Variants in BRIP1 observed in about 807,000 individuals in gnomAD.
BRIP1 encodes the protein BRCA1 interacting DNA helicase 1, also known as Fanconi anemia group J protein.
BRIP1 carries 88 observed loss-of-function variants against 119.7 expected under a neutral mutation model. That is an observed-to-expected ratio of 0.74 (90% CI 0.62 to 0.88). BRIP1 has a LOEUF of 0.88. Ranked by LOEUF, BRIP1 falls within the 40% of genes least tolerant of loss-of-function variation. The pLI is 0.00. For synonymous variants in BRIP1, 443 were observed against 496.5 expected (o/e 0.89, Z 1.43); for missense variants, 1,259 against 1,455.4 (o/e 0.87, Z 2.20).
chr17:61,839,148 T>C lies in BRIP1; in HGVS notation c.627+7953A>G, dbSNP rs76378314. ...CTCTACTCATATCCCCATTATTTTT[T>C]CTTATATTACATTCTTGGAAATAAT... On this transcript the variant is annotated intron_variant, in intron 6 of 19. Coordinates refer to ENST00000259008, the MANE Select transcript of BRIP1 (RefSeq NM_032043.3). Among the ~76,000 whole-genome samples, 81 of 152,182 alleles carry C rather than the reference T, an allele frequency of 5.3e-4. No individual in the cohort carries two copies. In the East Asian group the frequency reaches 0.015, roughly 28 times the overall value.
At chr17:61,859,936 T>G in intron 2 of BRIP1, 29 bp from the exon 3 acceptor site, 1 of 1,448,072 alleles carries the variant, frequency 6.9e-7, no homozygotes, top group Non-Finnish European at 9.7e-7. Flanking sequence ...ATGAAAATAA[T>G]AAACATATTA....
chr17:61,788,454 T>C (rs1057077188), intron 10 of BRIP1, among the ~76,000 whole-genome samples: 4 of 152,180 alleles, frequency 2.6e-5, no homozygotes, highest in Admixed American at 2.0e-4. Flanking sequence ...ACAGAACTTT[T>C]CCTAGAGATT....
At chr17:61,836,353 T>C (rs1603356149) in intron 6 of BRIP1, among the ~76,000 whole-genome samples, 1 of 152,190 alleles carries the variant, frequency 6.6e-6, no homozygotes, top group Admixed American at 6.5e-5. Flanking sequence ...TGGGCTCAAG[T>C]GATCCACCTA....
chr17:61,755,371 G>A lies in BRIP1; in HGVS notation c.2098-10780C>T, dbSNP rs750022998. 3.9e-5 allele frequency among the ~76,000 whole-genome samples: 6 copies of A among 151,990 alleles called. No homozygotes were observed. The highest frequency in any genetic ancestry group is 2.0e-4 in the Admixed American group (3 of 15,256). ...GCCCAGGAGTTCAAGACCAGCCTGG[G>A]CAACTTGGCAAAACCCTGTATCTAC... On this transcript the variant is annotated intron_variant, in intron 14 of 19. Transcript: ENST00000259008. The surrounding 1 kb of genome is among the most constrained non-coding windows in gnomAD (Gnocchi z 4.5).
chr17:61,685,721 C>G, intron 19 of BRIP1, 115 bp downstream of exon 19: 1 of 966,138 alleles, frequency 1.0e-6, no homozygotes, highest in Non-Finnish European at 1.6e-6. Flanking sequence ...ATGATAACAC[C>G]TTATATTACA....
intron 11 of BRIP1, chr17:61,783,896 G>A (rs932627489): frequency 5.7e-6 from 1 of 175,188 alleles, no homozygotes; most frequent in African/African-American, 2.4e-5. Context: ...TCAACATAGT[G>A]AGATCTCATC....
intron 6 of BRIP1, among the ~76,000 whole-genome samples, chr17:61,820,528 C>T (rs1567847529): frequency 6.6e-6 from 1 of 152,190 alleles, no homozygotes; most frequent in Non-Finnish European, 1.5e-5. Flanking sequence ...TTGGATGAGA[C>T]ATATACTCTC....
chr17:61,819,614 A>G (rs1054966455), intron 6 of BRIP1, among the ~76,000 whole-genome samples: 3 of 152,216 alleles, frequency 2.0e-5, no homozygotes, highest in African/African-American at 7.2e-5. Flanking sequence ...GTTAAGTAAA[A>G]TAAGCCAGGC....
At chr17:61,854,244 C>G (rs2078862637) in intron 4 of BRIP1, among the ~76,000 whole-genome samples, 1 of 151,924 alleles carries the variant, frequency 6.6e-6, no homozygotes. Context: ...CAGTACTGTA[C>G]CCAGCCTGGG....
Position 61,732,696 on chromosome 17 carries a change from AT to A in BRIP1, c.2379+10316del, listed in dbSNP as rs539570210. Among the ~76,000 whole-genome samples, 919 of 145,876 alleles carry A rather than the reference AT, an allele frequency of 6.3e-3. 6 individuals carry two copies. The highest frequency in any genetic ancestry group is 0.017 in the African/African-American group (686 of 40,144). ...TGACAAAACATTCAATATCATTAAC[AT>A]TTTTTTTTTTTTGAGACAGTGTCTT... On this transcript the variant is annotated intron_variant, in intron 16 of 19. Transcript: ENST00000259008.
intron 6 of BRIP1, among the ~76,000 whole-genome samples, chr17:61,840,121 G>A (rs1168774536): frequency 3.3e-5 from 5 of 152,152 alleles, no homozygotes; most frequent in Admixed American, 6.5e-5. Flanking sequence ...CACTTTGGGA[G>A]GCCGAGGCAA....
rs9912137 is a variant in BRIP1 at position 61,713,615 on chromosome 17, G to A, written c.2492+2336C>T. Among the ~76,000 whole-genome samples the A allele has an allele frequency of 0.033, 5,000 of 151,136 alleles. 316 individuals are homozygous for A. Among genetic ancestry groups the A allele is most frequent in the African/African-American group, 0.12 (4,742 of 41,100 alleles). ...CGGCTCACTGCAGCCTCCACCTCCC[G>A]GGTTCAAGTAATTCTCCTGCCCCAG... On this transcript the variant is annotated intron_variant, in intron 17 of 19. Transcript: ENST00000259008. This position sits in a 1 kb window ranked among gnomAD's most constrained non-coding sequence, Gnocchi z 4.9.
intron 18 of BRIP1, among the ~76,000 whole-genome samples, chr17:61,692,760 T>C (rs1291257505): frequency 6.6e-6 from 1 of 152,178 alleles, no homozygotes; most frequent in Non-Finnish European, 1.5e-5. Context: ...CTGGAACCCT[T>C]GTGTGCTATT....
chr17:61,794,295 AG>A lies in BRIP1; in HGVS notation c.1341-567del, dbSNP rs2145252269. Among the ~76,000 whole-genome samples, 1 of 152,254 alleles carries A rather than the reference AG, an allele frequency of 6.6e-6. No homozygotes were observed. The highest frequency in any genetic ancestry group is 2.4e-5 in the African/African-American group (1 of 41,560). ...AAATTACATTCTACTAAAGGGAGAC[AG>A]GAATAAACATCAAAACAAATACATA... is the stretch of plus-strand genomic sequence containing the variant. On this transcript the variant is annotated intron_variant, in intron 9 of 19. Coordinates refer to ENST00000259008, the MANE Select transcript of BRIP1 (RefSeq NM_032043.3). This position sits in a 1 kb window ranked among gnomAD's most constrained non-coding sequence, Gnocchi z 4.3.
Position 61,851,453 on chromosome 17 carries a change from A to G in BRIP1, c.380-2197T>C, listed in dbSNP as rs1263948155. ...TTGAATGGGCTTTTGTATATGGTAT[A>G]AAGTAGGGCTCCAATTTCAATTTTT... On this transcript the variant is annotated intron_variant, in intron 4 of 19. Coordinates refer to ENST00000259008, the MANE Select transcript of BRIP1 (RefSeq NM_032043.3). This position sits in a 1 kb window ranked among gnomAD's most constrained non-coding sequence, Gnocchi z 4.6. Among the ~76,000 whole-genome samples the G allele has an allele frequency of 6.6e-6, 1 of 152,134 alleles. No individual in the cohort carries two copies. Among genetic ancestry groups the G allele is most frequent in the Non-Finnish European group, 1.5e-5 (1 of 68,012 alleles).
At chr17:61,833,764 C>T (rs2078529126) in intron 6 of BRIP1, among the ~76,000 whole-genome samples, 2 of 151,854 alleles carry the variant, frequency 1.3e-5, no homozygotes, top group Non-Finnish European at 2.9e-5. Flanking sequence ...GGCAAATTTG[C>T]AGACAAGGCA....
At chr17:61,765,857 A>ACG (rs1263070958) in intron 14 of BRIP1, among the ~76,000 whole-genome samples, 3 of 151,698 alleles carry the variant, frequency 2.0e-5, no homozygotes, top group Non-Finnish European at 2.9e-5. Flanking sequence ...ACACACACAC[A>ACG]CACAGAGCAA....
At chr17:61,840,248 C>T (rs1482944649) in intron 6 of BRIP1, among the ~76,000 whole-genome samples, 1 of 150,150 alleles carries the variant, frequency 6.7e-6, no homozygotes, top group Non-Finnish European at 1.5e-5. Context: ...TGAGAAGCTA[C>T]TCAAGAGGCT....
chr17:61,784,031 G>A, intron 11 of BRIP1: 1 of 400,768 alleles, frequency 2.5e-6, no homozygotes, highest in East Asian at 5.0e-5. Context: ...GCAGTGAGCT[G>A]TGATCATGCA....
Sources: gnomAD v4.1 joint callset for allele counts (sites outside exome capture counted in the v4.1 genomes callset) on GRCh38, gnomAD v4.1.1 for gene constraint, Gnocchi (gnomAD v3.1) non-coding constraint, MANE v1.5 for transcripts, NCBI Gene and HGNC (gene_info 2026-07-23, HGNC 2026-07-21) for gene names.